The following DLEC1 variants were observed in gnomAD, a reference collection of about 807,000 sequenced individuals.
DLEC1 encodes deleted in lung and esophageal cancer protein 1.
A neutral mutation model predicts 198.1 loss-of-function variants in DLEC1; 146 were observed. That is an observed-to-expected ratio of 0.74 (90% CI 0.64 to 0.85). The LOEUF (loss-of-function observed/expected upper bound fraction) is 0.85, where lower values mean the gene tolerates loss of function less well. Ranked by LOEUF, DLEC1 falls within the 40% of genes least tolerant of loss-of-function variation. The pLI is 0.00. For synonymous variants in DLEC1, 897 were observed against 866.8 expected (o/e 1.03, Z -0.61); for missense variants, 2,233 against 2,220.0 (o/e 1.01, Z -0.12).
intron 33 of DLEC1, among the ~76,000 whole-genome samples, chr3:38,120,186 G>A (rs1700377076): frequency 6.6e-6 from 1 of 152,230 alleles, no homozygotes; most frequent in South Asian, 2.1e-4. Context: ...ATTTGAAGCT[G>A]TAAAGGGCAA....
At chr3:38,077,262 G>A (rs1489491379) in intron 6 of DLEC1, among the ~76,000 whole-genome samples, 2 of 152,188 alleles carry the variant, frequency 1.3e-5, no homozygotes, top group Non-Finnish European at 2.9e-5. Context: ...GAGTAGTTGA[G>A]AATGGAGAAT....
At chr3:38,111,485 G>C (rs1575224334) in intron 23 of DLEC1, among the ~76,000 whole-genome samples, 192 bp from the exon 24 acceptor site, 1 of 152,198 alleles carries the variant, frequency 6.6e-6, no homozygotes, top group Non-Finnish European at 1.5e-5. Flanking sequence ...TTGAATGGTA[G>C]GGGTACAGTG....
intron 2 of DLEC1, among the ~76,000 whole-genome samples, chr3:38,050,553 T>TG (rs1559394522): frequency 6.7e-6 from 1 of 150,092 alleles, no homozygotes; most frequent in African/African-American, 2.5e-5. Context: ...GTGGGGGTTT[T>TG]GGGGGGGCCA....
chr3:38,092,787 C>T lies in DLEC1; in HGVS notation c.1666-3C>T, dbSNP rs200998079. 2 of 1,613,984 alleles carry T rather than the reference C, an allele frequency of 1.2e-6. No individual in the cohort carries two copies. The highest frequency in any genetic ancestry group is 2.7e-5 in the African/African-American group (2 of 74,990). ...GTAACGGAACAACCCTTCTCTCCCCCAGGTCTTGTTTTCCCCAAAGAGCCT... is the reference window on the plus strand; with the variant it reads ...GTAACGGAACAACCCTTCTCTCCCCTAGGTCTTGTTTTCCCCAAAGAGCCT... On this transcript the variant is annotated splice_region_variant and splice_polypyrimidine_tract_variant and intron_variant, in intron 10 of 36. Transcript: ENST00000308059.
chr3:38,070,323 A>G (rs949414919), intron 6 of DLEC1, among the ~76,000 whole-genome samples: 4 of 152,220 alleles, frequency 2.6e-5, no homozygotes, highest in Admixed American at 2.6e-4. Context: ...GAGGTGAGCA[A>G]AACTTTGAAA....
chr3:38,083,183 G>A (rs1337179834), intron 6 of DLEC1, among the ~76,000 whole-genome samples: 1 of 151,636 alleles, frequency 6.6e-6, no homozygotes, highest in African/African-American at 2.4e-5. Context: ...GGTTTCATGT[G>A]CGTCCGTGTG....
chr3:38,095,468 G>GT lies in DLEC1; in HGVS notation c.2112+398dup, dbSNP rs11426109. On this transcript the variant is annotated intron_variant, in intron 13 of 36. Coordinates refer to ENST00000308059, the MANE Select transcript of DLEC1 (RefSeq NM_007335.4). Reference sequence around the variant, plus strand: ...ATGGAGGGAAGCCCTGTGGGCCACGGTAGGCTAGAAGGGAATTCGAGCTGG... The same window carrying GT: ...ATGGAGGGAAGCCCTGTGGGCCACGGTTAGGCTAGAAGGGAATTCGAGCTGG... The GT allele has an allele frequency of 8.1e-3, 2,487 of 306,512 alleles. 49 individuals carry two copies. The highest frequency in any genetic ancestry group is 0.047 in the African/African-American group (2,212 of 47,320). The allele number at this position is 306,512 out of a possible 1,614,324, so 19.0% of individuals were successfully genotyped here.
chr3:38,097,793 G>T lies in DLEC1; in HGVS notation c.2615G>T (p.Arg872Leu), dbSNP rs183009787. The stretch of plus-strand genomic sequence containing the variant: ...TCAGCCCTTCAGTTTGGTCTGCTCC[G>T]CCTGGGGCAGAAAGCCACAAACTCC... ...NVSALQFGLL[R>L]LGQKATNSIQ... The change falls in exon 18 of 37, where the codon CGC (arginine) becomes CTC (leucine). Residue 872 changes from arginine (R) to leucine (L), a missense_variant. Transcript: ENST00000308059. 1 of 1,613,980 alleles carries T rather than the reference G, an allele frequency of 6.2e-7. No homozygotes were observed. Among genetic ancestry groups the T allele is most frequent in the African/African-American group, 1.3e-5 (1 of 74,878 alleles).
At chr3:38,046,819 T>A (rs1453697867) in intron 2 of DLEC1, among the ~76,000 whole-genome samples, 2 of 151,402 alleles carry the variant, frequency 1.3e-5, no homozygotes, top group Non-Finnish European at 2.9e-5. Context: ...CAGGAAGTCA[T>A]GTCACATGCA....
At chr3:38,049,073 G>T (rs1312149866) in intron 2 of DLEC1, among the ~76,000 whole-genome samples, 4 of 148,186 alleles carry the variant, frequency 2.7e-5, no homozygotes, top group African/African-American at 9.9e-5. Flanking sequence ...AACTATTTGG[G>T]TTTTTTTTTT....
intron 13 of DLEC1, chr3:38,095,365 C>CAAAAA (rs1205579936): frequency 4.6e-6 from 2 of 438,486 alleles, no homozygotes; most frequent in East Asian, 8.2e-5. Flanking sequence ...TTACCATCCC[C>CAAAAA]ACCCATACCA....
chr3:38,081,859 C>T (rs1575164183), intron 6 of DLEC1, among the ~76,000 whole-genome samples: 4 of 147,794 alleles, frequency 2.7e-5, no homozygotes, highest in East Asian at 2.1e-4. Context: ...CCCCCACCTC[C>T]CTCCCGGATG....
chr3:38,045,682 G>T lies in DLEC1; in HGVS notation c.551G>T (p.Arg184Met). The change falls in exon 2 of 37, where the codon AGG (arginine) becomes ATG (methionine). Residue 184 changes from arginine to methionine, a missense_variant. By Grantham distance (91) the Arg-to-Met change is moderately conservative. Coordinates refer to ENST00000308059, the MANE Select transcript of DLEC1 (RefSeq NM_007335.4). ...AGVQDLESLV[R>M]LPPVKSVSRW... ...GTACAGGACCTCGAGAGCCTTGTCAGGTTGCCTCCAGGTGTGTATAAAGAA... is the reference window on the plus strand; with the variant it reads ...GTACAGGACCTCGAGAGCCTTGTCATGTTGCCTCCAGGTGTGTATAAAGAA... 1 of 1,612,242 alleles carries T rather than the reference G, an allele frequency of 6.2e-7. No homozygotes were observed. Among genetic ancestry groups the T allele is most frequent in the Non-Finnish European group, 8.5e-7 (1 of 1,179,276 alleles).
At chr3:38,044,407 C>G (rs1416707053) in intron 1 of DLEC1, among the ~76,000 whole-genome samples, 7 of 151,436 alleles carry the variant, frequency 4.6e-5, no homozygotes, top group Non-Finnish European at 1.0e-4. Context: ...AAAAAATATA[C>G]AAAAAATTAG....
At chr3:38,105,434 T>C (rs1235159802) in intron 19 of DLEC1, among the ~76,000 whole-genome samples, 1 of 152,196 alleles carries the variant, frequency 6.6e-6, no homozygotes, top group Non-Finnish European at 1.5e-5. Context: ...TTTTGCTTCA[T>C]GTATTTTGTG....
At chr3:38,104,194 T>C (rs1278263619) in intron 19 of DLEC1, among the ~76,000 whole-genome samples, 1 of 152,208 alleles carries the variant, frequency 6.6e-6, no homozygotes, top group East Asian at 1.9e-4. Context: ...CAGTGGCTCA[T>C]GACTGTAATC....
At position 38,116,871 on chromosome 3, in the gene DLEC1, T is replaced by C; in HGVS notation, c.4161T>C (p.Cys1387=). The C allele has an allele frequency of 1.2e-6, 2 of 1,613,544 alleles. No individual in the cohort carries two copies. The highest frequency in any genetic ancestry group is 1.7e-6 in the Non-Finnish European group (2 of 1,179,742). The change falls in exon 29 of 37, where the codon TGT becomes TGC. Residue 1387 remains cysteine, a synonymous_variant. Transcript: ENST00000308059. ...HEGVPSGHLY[C]ISPKQVVVPA... The stretch of plus-strand genomic sequence containing the variant: ...GGGTGCCCTCCGGCCACCTGTACTG[T>C]ATCAGCCCCAAGCAGGTGGTGAGTT...
In DLEC1 at chr3:38,062,649, A is replaced by G. The variant is rs1696755174; in HGVS notation, c.942A>G (p.Arg314=). The G allele has an allele frequency of 6.2e-7, 1 of 1,614,158 alleles. No individual in the cohort carries two copies. Among genetic ancestry groups the G allele is most frequent in the Non-Finnish European group, 8.5e-7 (1 of 1,180,032 alleles). Residue 314 remains arginine, a synonymous_variant, in exon 5 of 37, where the codon AGA becomes AGG. Coordinates refer to ENST00000308059, the MANE Select transcript of DLEC1 (RefSeq NM_007335.4). ...GTGTGCCACAGAGAGAGCTAGACAG[A>G]CTTCTGCTTGCCAGAATGGAGAGTC... ...HLRVPQRELD[R]LLLARMESRN... is the part of the protein sequence containing the mutation.
chr3:38,082,040 G>A (rs552289959), intron 6 of DLEC1, among the ~76,000 whole-genome samples: 13 of 132,190 alleles, frequency 9.8e-5, no homozygotes, highest in South Asian at 5.1e-4. Context: ...CTTCTCAGAC[G>A]GGGTGGTTGC....
Sources: allele counts gnomAD v4.1 joint callset (sites outside exome capture counted in the v4.1 genomes callset), GRCh38; gene constraint gnomAD v4.1.1; transcripts MANE v1.5; gene names NCBI Gene and HGNC (gene_info 2026-07-23, HGNC 2026-07-21).